The following PDCL2 variants were observed in gnomAD, a reference collection of about 807,000 sequenced individuals.
PDCL2 encodes the protein phosducin like 2, also known as phosducin-like protein 2.
Under a neutral mutation model 30.3 loss-of-function variants are expected in PDCL2, and 23 were observed. The ratio of observed to expected loss-of-function variants is 0.76; its 90% CI spans 0.55 to 1.08. The LOEUF (loss-of-function observed/expected upper bound fraction) is 1.08, where lower values mean the gene tolerates loss of function less well. PDCL2 is among the 50% of genes least tolerant of loss of function. PDCL2 has a pLI of 0.00. For synonymous variants in PDCL2, 68 were observed against 86.2 expected, an observed-to-expected ratio of 0.79 and a Z score of 1.17; for missense variants, 243 against 282.3, an observed-to-expected ratio of 0.86 and a Z score of 1.00.
In PDCL2 at chr4:55,592,089, G is replaced by T. The variant is rs1733018169; in HGVS notation, c.6+15C>A. The T allele has an allele frequency of 6.2e-7, 1 of 1,608,934 alleles. No homozygotes were observed. Among genetic ancestry groups the T allele is most frequent in the Non-Finnish European group, 8.5e-7 (1 of 1,178,294 alleles). ...CTGGGTGTTCCAGGGTGGCTCGGCA[G>T]GTCCCGACCCTCACCTGCATGATGC... On this transcript the variant is annotated intron_variant, in intron 1 of 5. Transcript: ENST00000295645.
At chr4:55,588,812 G>A (rs996572952) in intron 1 of PDCL2, among the ~76,000 whole-genome samples, 8 of 151,430 alleles carry the variant, frequency 5.3e-5, no homozygotes, top group Non-Finnish European at 7.4e-5. Flanking sequence ...TTATTTCAAG[G>A]CTTTCTATTC....
chr4:55,583,983 CAG>C (rs1361623228), intron 1 of PDCL2, among the ~76,000 whole-genome samples: 2 of 152,148 alleles, frequency 1.3e-5, no homozygotes, highest in East Asian at 3.8e-4. Flanking sequence ...ATGGAATCTA[CAG>C]ATTGCTTTGG....
intron 5 of PDCL2, among the ~76,000 whole-genome samples, chr4:55,557,305 TTTATTTC>T (rs1252525673): frequency 2.0e-5 from 3 of 152,164 alleles, no homozygotes; most frequent in African/African-American, 7.2e-5. Flanking sequence ...AGAACAGAGA[TTTATTTC>T]TTATACTTCC....
chr4:55,559,142 G>A (rs1176187895), intron 5 of PDCL2, among the ~76,000 whole-genome samples: 1 of 152,176 alleles, frequency 6.6e-6, no homozygotes, highest in Non-Finnish European at 1.5e-5. Flanking sequence ...AACTGGTGAA[G>A]ATGTGGGTAT....
At chr4:55,590,057 C>T (rs532128575) in intron 1 of PDCL2, among the ~76,000 whole-genome samples, 10 of 151,342 alleles carry the variant, frequency 6.6e-5, no homozygotes, top group African/African-American at 2.4e-4. Flanking sequence ...ATTAGCCAGG[C>T]GTGGTGGTGC....
chr4:55,573,559 G>C (rs995392381), intron 3 of PDCL2, among the ~76,000 whole-genome samples: 22 of 152,076 alleles, frequency 1.4e-4, no homozygotes, highest in Non-Finnish European at 5.9e-5. Context: ...AGACCAGCCT[G>C]GCCAACGTGG....
intron 3 of PDCL2, among the ~76,000 whole-genome samples, chr4:55,572,914 C>T (rs1577911466): frequency 6.6e-6 from 1 of 152,128 alleles, no homozygotes; most frequent in South Asian, 2.1e-4. Context: ...CGCCCGCCAT[C>T]ACAACAGGCT....
At chr4:55,571,733 T>G (rs540274184) in intron 3 of PDCL2, among the ~76,000 whole-genome samples, 3 of 149,414 alleles carry the variant, frequency 2.0e-5, no homozygotes, top group South Asian at 2.1e-4. Context: ...TAGAAACATT[T>G]CAAGTAAAAT....
At chr4:55,556,836 T>G (rs958582182) in intron 5 of PDCL2, 125 bp from the exon 6 acceptor site, 22 of 756,730 alleles carry the variant, frequency 2.9e-5, no homozygotes, top group African/African-American at 9.7e-5. Context: ...TATTTATAGG[T>G]TTTTTTTTCT....
chr4:55,567,893 C>T (rs757883842), intron 4 of PDCL2, among the ~76,000 whole-genome samples: 2 of 152,122 alleles, frequency 1.3e-5, no homozygotes, highest in African/African-American at 2.4e-5. Flanking sequence ...ATATTTTGTG[C>T]CCCAGCCTCT....
intron 5 of PDCL2, among the ~76,000 whole-genome samples, chr4:55,559,820 T>C (rs1732076958): frequency 1.3e-5 from 2 of 152,192 alleles, no homozygotes; most frequent in Non-Finnish European, 2.9e-5. Flanking sequence ...TCTGATAACA[T>C]GCTACCACAT....
At chr4:55,590,023 C>G (rs923681461) in intron 1 of PDCL2, among the ~76,000 whole-genome samples, 34 of 151,562 alleles carry the variant, frequency 2.2e-4, no homozygotes, top group African/African-American at 7.5e-4. Flanking sequence ...ATGGTGAAAC[C>G]CTGTCTCTAC....
At chr4:55,585,143 C>A (rs752003279) in intron 1 of PDCL2, among the ~76,000 whole-genome samples, 1 of 152,164 alleles carries the variant, frequency 6.6e-6, no homozygotes, top group African/African-American at 2.4e-5. Flanking sequence ...GGGATTTTTA[C>A]ATCTGTGTTC....
chr4:55,578,589 G>A (rs1292899255), intron 3 of PDCL2, among the ~76,000 whole-genome samples: 1 of 150,112 alleles, frequency 6.7e-6, no homozygotes, highest in Non-Finnish European at 1.5e-5. Context: ...GTCATCAGTG[G>A]GTTTTTTTTT....
intron 3 of PDCL2, among the ~76,000 whole-genome samples, chr4:55,573,714 G>A (rs1008485151): frequency 2.0e-5 from 3 of 151,806 alleles, no homozygotes; most frequent in African/African-American, 7.3e-5. Flanking sequence ...CTGGGCCACT[G>A]CACTCCAGCT....
intron 4 of PDCL2, among the ~76,000 whole-genome samples, chr4:55,564,479 T>C (rs1422431979): frequency 2.0e-5 from 3 of 152,154 alleles, no homozygotes; most frequent in African/African-American, 4.8e-5. Flanking sequence ...TAAGAGACTA[T>C]TTATGGTATT....
chr4:55,588,606 A>C (rs1217027668), intron 1 of PDCL2, among the ~76,000 whole-genome samples: 4 of 152,224 alleles, frequency 2.6e-5, no homozygotes, highest in African/African-American at 9.6e-5. Flanking sequence ...TAACCTTGGC[A>C]AAATAAACTT....
chr4:55,583,039 A>C (rs1170640159), intron 1 of PDCL2, among the ~76,000 whole-genome samples: 7 of 152,002 alleles, frequency 4.6e-5, no homozygotes, highest in African/African-American at 1.7e-4. Flanking sequence ...GCAGTGGCAC[A>C]ATCTTGGCTC....
chr4:55,571,609 C>T (rs1430489417), intron 3 of PDCL2, among the ~76,000 whole-genome samples: 3 of 54,908 alleles, frequency 5.5e-5, no homozygotes, highest in Admixed American at 2.2e-4. Flanking sequence ...ATCACTTGAA[C>T]CCGGGAGGCG....
Sources: gnomAD v4.1 joint callset for allele counts (sites outside exome capture counted in the v4.1 genomes callset) on GRCh38, gnomAD v4.1.1 for gene constraint, MANE v1.5 for transcripts, NCBI Gene and HGNC (gene_info 2026-07-23, HGNC 2026-07-21) for gene names.